Variants in NUP62CL observed in about 807,000 individuals in gnomAD.
NUP62CL encodes nucleoporin 62 C-terminal like.
Under a neutral mutation model 15.3 loss-of-function variants are expected in NUP62CL, and 13 were observed. The observed-to-expected ratio is 0.85, with a 90% confidence interval of 0.55 to 1.35. The LOEUF (loss-of-function observed/expected upper bound fraction) is 1.35, where lower values mean the gene tolerates loss of function less well. NUP62CL is among the 40% of genes most tolerant of loss of function. NUP62CL has a pLI of 0.00. For synonymous variants in NUP62CL, 54 were observed against 49.2 expected, an observed-to-expected ratio of 1.10 and a Z score of -0.41; for missense variants, 123 against 130.6, an observed-to-expected ratio of 0.94 and a Z score of 0.28.
chrX:107,177,879 A>G (rs891511957), intron 2 of NUP62CL, among the ~76,000 whole-genome samples: 19 of 111,830 alleles, frequency 1.7e-4, no homozygotes, highest in African/African-American at 4.5e-4. Flanking sequence ...GATGAAACAT[A>G]TATCCACACA....
rs115282964 is a variant in NUP62CL at position 107,183,439 on chromosome X, A to T, written c.-47-8246T>A. Among the ~76,000 whole-genome samples, 357 of 110,841 alleles carry T rather than the reference A, an allele frequency of 3.2e-3. 1 individual carries two copies. The highest frequency in any genetic ancestry group is 0.011 in the African/African-American group (339 of 30,486). On this transcript the variant is annotated intron_variant, in intron 2 of 8. Coordinates refer to ENST00000372466, the MANE Select transcript of NUP62CL (RefSeq NM_017681.3). ...TAATGAGACCCTGGCTCTATTGCTT[A>T]AAAAAAGAGAAAAAAGTAAAATAAG...
At chrX:107,150,857 G>A (rs954189548) in intron 7 of NUP62CL, 2 of 340,055 alleles carry the variant, frequency 5.9e-6, no homozygotes, top group African/African-American at 2.6e-5. Context: ...TAAACACACC[G>A]GATCAGTAGT....
chrX:107,132,976 G>T (rs1925556549), intron 8 of NUP62CL, among the ~76,000 whole-genome samples: 1 of 111,915 alleles, frequency 8.9e-6, no homozygotes, highest in African/African-American at 3.2e-5. Flanking sequence ...AGTGCTGGCA[G>T]GAATGCATTC....
chrX:107,152,112 A>AT, intron 7 of NUP62CL, among the ~76,000 whole-genome samples: 1 of 62,225 alleles, frequency 1.6e-5, no homozygotes, highest in South Asian at 9.0e-4. Flanking sequence ...ATATATATAT[A>AT]TTCAGATATA....
At chrX:107,155,689 A>T (rs1046316602) in intron 4 of NUP62CL, among the ~76,000 whole-genome samples, 3 of 112,399 alleles carry the variant, frequency 2.7e-5, no homozygotes, top group East Asian at 2.8e-4. Flanking sequence ...ATGAAAAAAA[A>T]ATATGAAAAT....
chrX:107,126,012 T>C (rs1314672650), intron 8 of NUP62CL, among the ~76,000 whole-genome samples: 1 of 111,932 alleles, frequency 8.9e-6, no homozygotes, highest in African/African-American at 3.2e-5. Flanking sequence ...TTTGGTCCCA[T>C]GACAAGCATC....
chrX:107,194,799 TTTTC>T (rs1217360028), intron 1 of NUP62CL, among the ~76,000 whole-genome samples: 3 of 92,678 alleles, frequency 3.2e-5, no homozygotes, highest in Non-Finnish European at 4.1e-5. Context: ...TCCAATTTTC[TTTTC>T]TTTCTCTCTT....
At chrX:107,142,956 C>T (rs896446712) in intron 8 of NUP62CL, among the ~76,000 whole-genome samples, 1 of 111,056 alleles carries the variant, frequency 9.0e-6, no homozygotes, top group East Asian at 2.8e-4. Flanking sequence ...CTAGACTGAT[C>T]GGGAGGAAAA....
At chrX:107,206,220 A>G (rs1379496877) in intron 1 of NUP62CL, 53 bp downstream of exon 1, 1 of 110,259 alleles carries the variant, frequency 9.1e-6, no homozygotes, top group East Asian at 2.9e-4. Flanking sequence ...AAAAGCGCAA[A>G]AGAGAGCGAA....
rs16987291 is a variant in NUP62CL at position 107,171,926 on chromosome X, A to G, written c.58+3163T>C. Among the ~76,000 whole-genome samples, 962 of 109,833 alleles carry G rather than the reference A, an allele frequency of 8.8e-3. 35 individuals carry two copies. Among genetic ancestry groups the G allele is most frequent in the Admixed American group, 0.086 (880 of 10,242 alleles). ...GAAATGTGTTACATTTTTTGCAAAT[A>G]TGGTAACTTGTAATGTTCTTATGAC... On this transcript the variant is annotated intron_variant, in intron 3 of 8. Coordinates refer to ENST00000372466, the MANE Select transcript of NUP62CL (RefSeq NM_017681.3).
chrX:107,155,556 C>G (rs943701042), intron 4 of NUP62CL, among the ~76,000 whole-genome samples: 1 of 112,011 alleles, frequency 8.9e-6, no homozygotes, highest in Non-Finnish European at 1.9e-5. Flanking sequence ...TACCACCCAT[C>G]TGCCTTGAGG....
chrX:107,178,680 C>A (rs971029076), intron 2 of NUP62CL, among the ~76,000 whole-genome samples: 1 of 111,729 alleles, frequency 9.0e-6, no homozygotes, highest in Non-Finnish European at 1.9e-5. Context: ...ATTCTGCTAT[C>A]CAAAACATCT....
At position 107,205,297 on chromosome X, in the gene NUP62CL, G is replaced by A. The variant is rs577452210; in HGVS notation, c.-92+976C>T. The stretch of plus-strand genomic sequence containing the variant: ...AGATGGCATAATATCTATAATTTAA[G>A]CTCCACAAGTATCTAGTGAATTAGC... On this transcript the variant is annotated intron_variant, in intron 1 of 8. Coordinates refer to ENST00000372466, the MANE Select transcript of NUP62CL (RefSeq NM_017681.3). Among the ~76,000 whole-genome samples, 13 of 112,057 alleles carry A rather than the reference G, an allele frequency of 1.2e-4. No homozygotes were observed. In the South Asian group the frequency reaches 4.4e-3, roughly 38 times the overall value.
chrX:107,133,669 A>G (rs1466308748), intron 8 of NUP62CL, among the ~76,000 whole-genome samples: 1 of 112,735 alleles, frequency 8.9e-6, no homozygotes, highest in Non-Finnish European at 1.9e-5. Flanking sequence ...GGCCGGGCGC[A>G]GTGGCTCACG....
intron 8 of NUP62CL, chrX:107,131,954 C>T (rs1925528225): frequency 2.0e-6 from 2 of 1,017,367 alleles, no homozygotes; most frequent in African/African-American, 3.7e-5. Flanking sequence ...ATGACAAGAA[C>T]TCTTCTGACA....
intron 2 of NUP62CL, among the ~76,000 whole-genome samples, chrX:107,187,183 A>C (rs935788683): frequency 1.8e-5 from 2 of 111,291 alleles, no homozygotes; most frequent in Non-Finnish European, 3.8e-5. Flanking sequence ...AAAATTTGTG[A>C]GACACAAAGC....
chrX:107,198,870 C>G (rs1927420433), intron 1 of NUP62CL, among the ~76,000 whole-genome samples: 1 of 112,484 alleles, frequency 8.9e-6, no homozygotes, highest in Non-Finnish European at 1.9e-5. Flanking sequence ...CCAGAAGGAA[C>G]CAATTCTGGA....
chrX:107,188,445 C>T (rs1927126128), intron 2 of NUP62CL, among the ~76,000 whole-genome samples: 1 of 108,940 alleles, frequency 9.2e-6, no homozygotes, highest in Non-Finnish European at 1.9e-5. Flanking sequence ...TCCCCCAGCC[C>T]CGCCAAAAAA....
chrX:107,150,832 A>T (rs1925991682), intron 7 of NUP62CL: 3 of 336,767 alleles, frequency 8.9e-6, no homozygotes, highest in Non-Finnish European at 1.8e-5. Flanking sequence ...TTGGTTGCCT[A>T]AGTACACAAA....
Sources: allele counts gnomAD v4.1 joint callset (sites outside exome capture counted in the v4.1 genomes callset), GRCh38; gene constraint gnomAD v4.1.1; transcripts MANE v1.5; gene names NCBI Gene and HGNC (gene_info 2026-07-23, HGNC 2026-07-21).